The following VPS8 variants were observed in gnomAD, a reference collection of about 807,000 sequenced individuals.
The protein encoded by VPS8 is VPS8 subunit of CORVET complex.
In VPS8, 129 loss-of-function variants were observed where a neutral mutation model predicts 216.4. The observed-to-expected ratio is 0.60, with a 90% CI of 0.52 to 0.69. The LOEUF is 0.69. VPS8 is among the 30% of genes least tolerant of loss of function. VPS8 has a pLI of 0.00. For missense variants in VPS8, 1,531 were observed against 1,683.5 expected, an observed-to-expected ratio of 0.91 and a Z score of 1.59; for synonymous variants, 571 against 565.4, an observed-to-expected ratio of 1.01 and a Z score of -0.14.
intron 46 of VPS8, among the ~76,000 whole-genome samples, chr3:185,042,370 C>G (rs1226674856): frequency 6.6e-6 from 1 of 152,176 alleles, no homozygotes. Context: ...AACAATAAAT[C>G]TTTCTGGATT....
intron 25 of VPS8, among the ~76,000 whole-genome samples, chr3:184,907,164 A>G (rs1735652934): frequency 6.6e-6 from 1 of 152,266 alleles, no homozygotes; most frequent in South Asian, 2.1e-4. Context: ...AAGGCAGGAC[A>G]GCTTGAAGTG....
intron 8 of VPS8, among the ~76,000 whole-genome samples, chr3:184,845,948 C>T (rs987931413): frequency 1.3e-5 from 2 of 152,000 alleles, no homozygotes; most frequent in African/African-American, 2.4e-5. Flanking sequence ...ATTCAAGGGA[C>T]ACTGAATTGG....
At chr3:184,889,643 T>C (rs1196017174) in intron 22 of VPS8, among the ~76,000 whole-genome samples, 2 of 152,026 alleles carry the variant, frequency 1.3e-5, no homozygotes, top group Non-Finnish European at 2.9e-5. Flanking sequence ...TTTCCCTAAT[T>C]CTACTCTTTG....
In VPS8 at chr3:184,834,761, T is replaced by A; in HGVS notation, c.447+19T>A. On this transcript the variant is annotated intron_variant, in intron 5 of 47. Transcript: ENST00000625842. ...TGCAGCTGTAAGTATTTTGTTCTTT[T>A]CCCTCAACTTTGTAACCTGCAATGG... The A allele has an allele frequency of 6.5e-7, 1 of 1,538,802 alleles. No individual in the cohort carries two copies. The highest frequency in any genetic ancestry group is 8.8e-7 in the Non-Finnish European group (1 of 1,138,628).
At chr3:184,861,199 G>C (rs1281566789) in intron 15 of VPS8, among the ~76,000 whole-genome samples, 1 of 152,086 alleles carries the variant, frequency 6.6e-6, no homozygotes, top group Non-Finnish European at 1.5e-5. Flanking sequence ...TTAATTTTGA[G>C]AACAATGTAA....
chr3:184,896,576 G>A lies in VPS8; in HGVS notation c.2004+1651G>A, dbSNP rs939146666. ...CTTACTTTTACTAGAGTCAACAATG[G>A]CCTCTTTGTCCACTACACCAAATGG... On this transcript the variant is annotated intron_variant, in intron 23 of 47. Transcript: ENST00000625842. Among the ~76,000 whole-genome samples the A allele has an allele frequency of 2.0e-5, 3 of 151,904 alleles. No individual in the cohort carries two copies. The East Asian group carries it at 5.8e-4, about 29-fold the overall frequency.
chr3:184,897,281 A>G (rs1733680447), intron 23 of VPS8, among the ~76,000 whole-genome samples: 1 of 152,036 alleles, frequency 6.6e-6, no homozygotes, highest in Non-Finnish European at 1.5e-5. Context: ...CTGATTTTGG[A>G]TGTTTTAGAG....
intron 16 of VPS8, 71 bp from the exon 17 acceptor site, chr3:184,866,805 T>G: frequency 7.0e-7 from 1 of 1,429,490 alleles, no homozygotes. Flanking sequence ...TTAATAGTGA[T>G]GAAATGTTAA....
chr3:184,963,563 A>AT (rs1410898509), intron 37 of VPS8, among the ~76,000 whole-genome samples: 1 of 152,052 alleles, frequency 6.6e-6, no homozygotes, highest in Non-Finnish European at 1.5e-5. Flanking sequence ...CAATTTCTAG[A>AT]TTTTTATGAC....
intron 42 of VPS8, among the ~76,000 whole-genome samples, chr3:184,987,403 C>T (rs1367417827): frequency 2.6e-5 from 3 of 115,388 alleles, no homozygotes; most frequent in Non-Finnish European, 3.7e-5. Flanking sequence ...TGCGAGTCAC[C>T]GTGCCCACAC....
In VPS8 at chr3:184,824,751, A is replaced by G; in HGVS notation, c.119A>G (p.Asp40Gly). Reference sequence around the variant, plus strand: ...TCACTTTCAAAATTCTCTTACATAGATATGGACAAGGAACTGGAGTTCAAA... The same window carrying G: ...TCACTTTCAAAATTCTCTTACATAGGTATGGACAAGGAACTGGAGTTCAAA... ...EASLSKFSYI[D>G]MDKELEFKND... The change falls in exon 2 of 48, where the codon GAT (aspartate) becomes GGT (glycine). Residue 40 changes from aspartate to glycine, a missense_variant. Asp to Gly is a moderately conservative substitution (Grantham distance 94, BLOSUM62 -1). Coordinates refer to ENST00000625842, the MANE Select transcript of VPS8 (RefSeq NM_001009921.3). 2 of 1,613,358 alleles carry G rather than the reference A, an allele frequency of 1.2e-6. No individual in the cohort carries two copies. Among genetic ancestry groups the G allele is most frequent in the African/African-American group, 1.3e-5 (1 of 75,032 alleles).
intron 44 of VPS8, among the ~76,000 whole-genome samples, chr3:184,997,772 G>A (rs995266392): frequency 7.2e-5 from 11 of 152,176 alleles, no homozygotes; most frequent in African/African-American, 2.7e-4. Flanking sequence ...AAGGCTCACT[G>A]TTAAGGTGAC....
chr3:184,824,505 G>A (rs765884404), intron 1 of VPS8, 40 bp from the exon 2 acceptor site: 110 of 947,760 alleles, frequency 1.2e-4, no homozygotes, highest in Non-Finnish European at 1.6e-4. Context: ...CTAAATGATA[G>A]TGTTTTGTTT....
At chr3:184,954,033 A>T (rs1745162969) in intron 36 of VPS8, among the ~76,000 whole-genome samples, 1 of 152,194 alleles carries the variant, frequency 6.6e-6, no homozygotes, top group African/African-American at 2.4e-5. Context: ...TTAAATCAGG[A>T]TACCCTTGAC....
intron 29 of VPS8, among the ~76,000 whole-genome samples, chr3:184,921,537 C>T (rs1738609591): frequency 6.6e-6 from 1 of 152,032 alleles, no homozygotes; most frequent in Non-Finnish European, 1.5e-5. Context: ...TTCTTGTAAC[C>T]ATGTGCTTAG....
In VPS8 at chr3:185,025,975, A is replaced by G. The variant is rs976686726; in HGVS notation, c.4056+1586A>G. On this transcript the variant is annotated intron_variant, in intron 46 of 47. Coordinates refer to ENST00000625842, the MANE Select transcript of VPS8 (RefSeq NM_001009921.3). ...ATGAAATAGTCTACTGCTTAAGAGTATAATACTATGTTTGACATATAGTAA... is the reference window on the plus strand; with the variant it reads ...ATGAAATAGTCTACTGCTTAAGAGTGTAATACTATGTTTGACATATAGTAA... Among the ~76,000 whole-genome samples the G allele has an allele frequency of 4.0e-4, 61 of 152,252 alleles. 1 individual carries two copies. The highest frequency in any genetic ancestry group is 1.3e-4 in the Admixed American group (2 of 15,286).
chr3:184,836,689 T>C (rs946395913), intron 5 of VPS8, among the ~76,000 whole-genome samples: 4 of 152,212 alleles, frequency 2.6e-5, no homozygotes, highest in African/African-American at 9.6e-5. Flanking sequence ...GTTGGTTTAT[T>C]AACATGTAAA....
In VPS8 at chr3:184,864,985, A is replaced by G. The variant is rs1727069048; in HGVS notation, c.1396-1891A>G. ...AAGTAGAGACATGGAAGATATTTGA[A>G]AAGATGCACATCAGACTTCTAGAGA... On this transcript the variant is annotated intron_variant, in intron 16 of 47. Coordinates refer to ENST00000625842, the MANE Select transcript of VPS8 (RefSeq NM_001009921.3). Among the ~76,000 whole-genome samples the G allele has an allele frequency of 2.6e-5, 4 of 152,336 alleles. No individual in the cohort carries two copies. The South Asian group carries it at 8.3e-4, about 32-fold the overall frequency.
At chr3:184,942,476 C>T (rs1360029825) in intron 36 of VPS8, among the ~76,000 whole-genome samples, 1 of 152,170 alleles carries the variant, frequency 6.6e-6, no homozygotes, top group Non-Finnish European at 1.5e-5. Flanking sequence ...CTCCCCTTCC[C>T]CAAAAAGTGA....
Sources: allele counts gnomAD v4.1 joint callset (sites outside exome capture counted in the v4.1 genomes callset), GRCh38; gene constraint gnomAD v4.1.1; transcripts MANE v1.5; gene names NCBI Gene and HGNC (gene_info 2026-07-23, HGNC 2026-07-21).